The following NRG3 variants were observed in gnomAD, a reference collection of about 807,000 sequenced individuals.
NRG3 encodes pro-neuregulin-3, membrane-bound isoform.
A neutral mutation model predicts 66.9 loss-of-function variants in NRG3; 31 were observed. The ratio of observed to expected loss-of-function variants is 0.46; its 90% CI spans 0.35 to 0.63. The LOEUF (loss-of-function observed/expected upper bound fraction) is 0.63, where lower values mean the gene tolerates loss of function less well. Ranked by LOEUF, NRG3 falls within the 20% of genes least tolerant of loss-of-function variation. The pLI, the probability that NRG3 is intolerant of heterozygous loss-of-function variation, is 0.00. For missense variants in NRG3, 910 were observed against 878.9 expected (o/e 1.04, Z -0.45); for synonymous variants, 393 against 359.4 (o/e 1.09, Z -1.06).
At chr10:82,455,229 G>A (rs544422302) in intron 2 of NRG3, among the ~76,000 whole-genome samples, 4 of 152,078 alleles carry the variant, frequency 2.6e-5, no homozygotes, top group South Asian at 2.1e-4. Flanking sequence ...TCTTAGTAAC[G>A]CATCATTAAA....
At chr10:82,683,239 G>A (rs562125764) in intron 2 of NRG3, among the ~76,000 whole-genome samples, 1 of 152,184 alleles carries the variant, frequency 6.6e-6, no homozygotes, top group South Asian at 2.1e-4. Context: ...ACAGGCGTGA[G>A]CCACTGTGCC....
intron 2 of NRG3, among the ~76,000 whole-genome samples, chr10:82,727,776 CCTGAAAAAG>C (rs2057685114): frequency 6.6e-6 from 1 of 152,078 alleles, no homozygotes; most frequent in Non-Finnish European, 1.5e-5. Context: ...GCACTGTGCA[CCTGAAAAAG>C]CTGCAGACAC....
At chr10:82,084,666 T>A (rs969538299) in intron 1 of NRG3, among the ~76,000 whole-genome samples, 1 of 152,144 alleles carries the variant, frequency 6.6e-6, no homozygotes, top group African/African-American at 2.4e-5. Flanking sequence ...GTGAACATTT[T>A]GAAATACTGG....
At chr10:81,933,063 G>A (rs933968738) in intron 1 of NRG3, among the ~76,000 whole-genome samples, 9 of 148,496 alleles carry the variant, frequency 6.1e-5, no homozygotes, top group Non-Finnish European at 8.9e-5. Flanking sequence ...AGCTGAGATC[G>A]TGCCACTGCA....
At chr10:81,876,441 CCCTT>C (rs1413148691) in intron 1 of NRG3, among the ~76,000 whole-genome samples, 1 of 152,198 alleles carries the variant, frequency 6.6e-6, no homozygotes. Flanking sequence ...TCTCCCAACT[CCCTT>C]CAAAGGGTTA....
At chr10:82,372,518 TTTATC>T (rs540569584) in intron 2 of NRG3, among the ~76,000 whole-genome samples, 6 of 152,232 alleles carry the variant, frequency 3.9e-5, no homozygotes, top group Non-Finnish European at 5.9e-5. Flanking sequence ...ATGTATAACT[TTTATC>T]TACATATTTG....
At chr10:82,759,548 T>C (rs1565284483) in intron 3 of NRG3, among the ~76,000 whole-genome samples, 1 of 152,120 alleles carries the variant, frequency 6.6e-6, no homozygotes, top group East Asian at 1.9e-4. Flanking sequence ...TTTACCAAAA[T>C]CTTTGGGAAG....
chr10:82,740,034 T>G (rs2058345119), intron 3 of NRG3, among the ~76,000 whole-genome samples: 1 of 151,874 alleles, frequency 6.6e-6, no homozygotes, highest in Non-Finnish European at 1.5e-5. Flanking sequence ...TCCTAATGTA[T>G]CTAGTTTTTC....
chr10:82,408,131 G>GAAAGA (rs1023078296), intron 2 of NRG3, among the ~76,000 whole-genome samples: 3 of 129,760 alleles, frequency 2.3e-5, no homozygotes, highest in Non-Finnish European at 5.2e-5. Flanking sequence ...AAGAAAGAAA[G>GAAAGA]AAAGAAAGAA....
At position 82,532,812 on chromosome 10, in the gene NRG3, G is replaced by A. The variant is rs545977467; in HGVS notation, c.953+173944G>A. ...CCCAGTAGTAGAGTTGCCAGATTAT[G>A]GTAGTCCTATTTTTTCTTTTTTGAG... On this transcript the variant is annotated intron_variant, in intron 2 of 8. Coordinates refer to ENST00000372141, the MANE Select transcript of NRG3 (RefSeq NM_001010848.4). Among the ~76,000 whole-genome samples, 6 of 151,434 alleles carry A rather than the reference G, an allele frequency of 4.0e-5. No individual in the cohort carries two copies. The East Asian group carries it at 5.8e-4, about 15-fold the overall frequency.
At chr10:81,885,822 T>G (rs1842566612) in intron 1 of NRG3, among the ~76,000 whole-genome samples, 1 of 152,218 alleles carries the variant, frequency 6.6e-6, no homozygotes, top group East Asian at 1.9e-4. Flanking sequence ...GGGGGGCCAC[T>G]GGGGTTGTTT....
intron 1 of NRG3, among the ~76,000 whole-genome samples, chr10:81,908,979 C>T (rs1189806497): frequency 6.6e-6 from 1 of 152,078 alleles, no homozygotes; most frequent in Non-Finnish European, 1.5e-5. Flanking sequence ...AATAAAGTAG[C>T]ACAAACCAGG....
chr10:82,192,952 G>A (rs552003229), intron 1 of NRG3, among the ~76,000 whole-genome samples: 1 of 146,436 alleles, frequency 6.8e-6, no homozygotes, highest in Admixed American at 7.0e-5. Context: ...GTTCAAGTGG[G>A]GGTGGAAGAA....
chr10:82,518,347 C>T, intron 2 of NRG3, among the ~76,000 whole-genome samples: 1 of 152,136 alleles, frequency 6.6e-6, no homozygotes, highest in East Asian at 1.9e-4. Flanking sequence ...AAAATACATT[C>T]ATCTACCATG....
chr10:82,606,796 T>A (rs184211204), intron 2 of NRG3, among the ~76,000 whole-genome samples: 1 of 152,232 alleles, frequency 6.6e-6, no homozygotes, highest in Non-Finnish European at 1.5e-5. Context: ...TTGCTAAAGG[T>A]GTTCTTCATA....
intron 2 of NRG3, among the ~76,000 whole-genome samples, chr10:82,491,316 A>ATATATATATATATATACAT (rs1389375279): frequency 6.6e-5 from 9 of 136,798 alleles, no homozygotes; most frequent in South Asian, 2.4e-4. Flanking sequence ...ATATATATAT[A>ATATATATATATATATACAT]AAATAAAGAT....
intron 2 of NRG3, among the ~76,000 whole-genome samples, chr10:82,467,923 G>T (rs183186220): frequency 2.6e-5 from 4 of 152,228 alleles, no homozygotes; most frequent in African/African-American, 9.6e-5. Context: ...GTATGTGTGT[G>T]TGTGTGTATT....
intron 3 of NRG3, among the ~76,000 whole-genome samples, chr10:82,749,555 A>G (rs1046394283): frequency 1.3e-5 from 2 of 152,158 alleles, no homozygotes; most frequent in African/African-American, 4.8e-5. Context: ...AATTTTATAT[A>G]CAAGTTTTTG....
At chr10:82,044,881 A>G (rs1367222937) in intron 1 of NRG3, among the ~76,000 whole-genome samples, 7 of 151,858 alleles carry the variant, frequency 4.6e-5, no homozygotes, top group Admixed American at 3.9e-4. Context: ...CCATGTCCCT[A>G]CAAAGGATAT....
Sources: allele counts gnomAD v4.1 joint callset (sites outside exome capture counted in the v4.1 genomes callset), GRCh38; gene constraint gnomAD v4.1.1; transcripts MANE v1.5; gene names NCBI Gene and HGNC (gene_info 2026-07-23, HGNC 2026-07-21).